The following GRIA3 variants were observed in gnomAD, a reference collection of about 807,000 sequenced individuals.
The protein encoded by GRIA3 is glutamate ionotropic receptor AMPA type subunit 3.
A neutral mutation model predicts 63.0 loss-of-function variants in GRIA3; 3 were observed. The ratio of observed to expected loss-of-function variants is 0.05; its 90% CI spans 0.02 to 0.12. The LOEUF (loss-of-function observed/expected upper bound fraction) is 0.12. GRIA3 is among the 10% of genes least tolerant of loss of function. GRIA3 has a pLI of 1.00. For missense variants in GRIA3, 347 were observed against 700.9 expected, an observed-to-expected ratio of 0.50 and a Z score of 5.70; for synonymous variants, 274 against 257.9, an observed-to-expected ratio of 1.06 and a Z score of -0.60.
chrX:123,394,390 T>C (rs1006582920), intron 5 of GRIA3, among the ~76,000 whole-genome samples: 1 of 110,230 alleles, frequency 9.1e-6, no homozygotes, highest in Admixed American at 9.6e-5. Context: ...CAGAGCGAGA[T>C]TCTATCTCAA....
At chrX:123,414,702 G>C (rs984913898) in intron 10 of GRIA3, among the ~76,000 whole-genome samples, 3 of 108,415 alleles carry the variant, frequency 2.8e-5, no homozygotes, top group African/African-American at 6.8e-5. Flanking sequence ...ATAGTTTGCT[G>C]AGAATGATGG....
chrX:123,373,821 T>A lies in GRIA3; in HGVS notation c.750+18858T>A, dbSNP rs774685192. 2.7e-5 allele frequency among the ~76,000 whole-genome samples: 3 copies of A among 111,973 alleles called. No individual in the cohort carries two copies. In the South Asian group the frequency reaches 1.1e-3, roughly 42 times the overall value. On this transcript the variant is annotated intron_variant, in intron 5 of 15. Coordinates refer to ENST00000620443, the MANE Select transcript of GRIA3 (RefSeq NM_007325.5). ...TCTGTAGGTTGCCTGTTCACTCTGATGGTAGTTTCTTTTGCTGTGCAGAAA... is the reference window on the plus strand; with the variant it reads ...TCTGTAGGTTGCCTGTTCACTCTGAAGGTAGTTTCTTTTGCTGTGCAGAAA...
intron 3 of GRIA3, among the ~76,000 whole-genome samples, chrX:123,260,415 AGACAGAC>A (rs2044446354): frequency 1.3e-4 from 1 of 7,999 alleles, no homozygotes; most frequent in African/African-American, 3.9e-4. Context: ...ACAGACAGAC[AGACAGAC>A]AGACAGAAAG....
intron 5 of GRIA3, among the ~76,000 whole-genome samples, chrX:123,371,559 T>A (rs1251362391): frequency 2.7e-5 from 3 of 111,584 alleles, no homozygotes. Context: ...ATTGTCTGCC[T>A]TTGTATAAAA....
chrX:123,408,610 G>A (rs2045488521), intron 10 of GRIA3, among the ~76,000 whole-genome samples: 1 of 112,079 alleles, frequency 8.9e-6, no homozygotes, highest in Non-Finnish European at 1.9e-5. Flanking sequence ...TAGCAACTTA[G>A]ATGCCTTCTC....
intron 4 of GRIA3, among the ~76,000 whole-genome samples, chrX:123,326,759 C>A (rs1198591125): frequency 9.2e-6 from 1 of 109,212 alleles, no homozygotes; most frequent in Non-Finnish European, 1.9e-5. Flanking sequence ...CCCTCTGGAT[C>A]AGAGAGAGAG....
chrX:123,227,609 C>T (rs534127513), intron 2 of GRIA3, among the ~76,000 whole-genome samples: 3 of 111,713 alleles, frequency 2.7e-5, no homozygotes, highest in African/African-American at 9.7e-5. Context: ...AATTGAAAAT[C>T]AGATGTGTAC....
At chrX:123,359,815 C>T (rs1208686711) in intron 5 of GRIA3, among the ~76,000 whole-genome samples, 2 of 112,032 alleles carry the variant, frequency 1.8e-5, no homozygotes, top group East Asian at 5.6e-4. Flanking sequence ...CAGTGTTGCA[C>T]CAGTTAACCA....
chrX:123,226,928 T>TACAC (rs35518686), intron 2 of GRIA3, among the ~76,000 whole-genome samples: 1 of 107,800 alleles, frequency 9.3e-6, no homozygotes, highest in East Asian at 3.0e-4. Flanking sequence ...CCCCCTCCAA[T>TACAC]ACACACACAC....
At chrX:123,403,311 T>C (rs749551898) in intron 8 of GRIA3, 101 bp from the exon 9 acceptor site, 3 of 658,907 alleles carry the variant, frequency 4.6e-6, no homozygotes, top group Non-Finnish European at 7.7e-6. Flanking sequence ...TCAATCCTTA[T>C]AGAGCTCAAG....
intron 2 of GRIA3, among the ~76,000 whole-genome samples, chrX:123,197,440 G>A (rs890286218): frequency 2.7e-5 from 3 of 111,715 alleles, no homozygotes; most frequent in Admixed American, 1.9e-4. Flanking sequence ...CAGGAGAATC[G>A]CTTGAACCCA....
chrX:123,378,330 T>C (rs1378707993), intron 5 of GRIA3, among the ~76,000 whole-genome samples: 2 of 111,095 alleles, frequency 1.8e-5, no homozygotes, highest in African/African-American at 6.6e-5. Flanking sequence ...CCCTTTATCG[T>C]CCAAATGTTT....
chrX:123,374,680 T>G (rs923836980), intron 5 of GRIA3, among the ~76,000 whole-genome samples: 2 of 111,944 alleles, frequency 1.8e-5, no homozygotes, highest in Admixed American at 1.9e-4. Context: ...TAGGAATGCT[T>G]GTGATTTTTG....
chrX:123,252,727 G>A (rs1246864182), intron 2 of GRIA3, among the ~76,000 whole-genome samples: 2 of 111,818 alleles, frequency 1.8e-5, no homozygotes, highest in Non-Finnish European at 3.8e-5. Context: ...GCACTGAAAG[G>A]ACAGTCTTCC....
intron 3 of GRIA3, among the ~76,000 whole-genome samples, chrX:123,312,814 T>C (rs757836803): frequency 2.8e-5 from 3 of 106,907 alleles, no homozygotes; most frequent in African/African-American, 6.7e-5. Context: ...CACAGAAACT[T>C]TGTTTTACAT....
chrX:123,237,044 G>A (rs2044305745), intron 2 of GRIA3, among the ~76,000 whole-genome samples: 1 of 111,882 alleles, frequency 8.9e-6, no homozygotes, highest in Admixed American at 9.5e-5. Context: ...GATTTCTTGG[G>A]GGATGAGGCA....
chrX:123,430,535 G>A (rs2045611988), intron 12 of GRIA3, among the ~76,000 whole-genome samples: 1 of 111,315 alleles, frequency 9.0e-6, no homozygotes, highest in South Asian at 3.8e-4. Flanking sequence ...GGGTTGTGGG[G>A]CCGGCAGCCA....
At chrX:123,380,114 G>A (rs1292417174) in intron 5 of GRIA3, among the ~76,000 whole-genome samples, 1 of 111,309 alleles carries the variant, frequency 9.0e-6, no homozygotes, top group Non-Finnish European at 1.9e-5. Context: ...ATGTGTGCAT[G>A]TGTCTTCATA....
intron 4 of GRIA3, among the ~76,000 whole-genome samples, chrX:123,332,620 G>T (rs921348683): frequency 9.0e-6 from 1 of 111,281 alleles, no homozygotes. Context: ...TCAACCGGAA[G>T]TCATCAGACT....
Sources: allele counts gnomAD v4.1 joint callset (sites outside exome capture counted in the v4.1 genomes callset), GRCh38; gene constraint gnomAD v4.1.1; transcripts MANE v1.5; gene names NCBI Gene and HGNC (gene_info 2026-07-23, HGNC 2026-07-21).